The following ORC4 variants were observed in gnomAD, a reference collection of about 807,000 sequenced individuals.
ORC4 encodes the protein origin recognition complex subunit 4, also known as origin recognition complex, subunit 4 homolog.
In ORC4, 55 loss-of-function variants were observed where a neutral mutation model predicts 63.9. That is an observed-to-expected ratio of 0.86 (90% CI 0.69 to 1.08). The LOEUF (loss-of-function observed/expected upper bound fraction) is 1.08, where lower values mean the gene tolerates loss of function less well. Among genes scored for constraint, ORC4 ranks in the 50% least tolerant of loss-of-function variants. The pLI is 0.00. For missense variants in ORC4, 511 were observed against 504.4 expected (o/e 1.01, Z -0.13); for synonymous variants, 150 against 168.5 (o/e 0.89, Z 0.85).
rs1688995840 is a variant in ORC4, at chr2:147,952,254, A to G, written c.588+119T>C. The G allele has an allele frequency of 4.3e-6, 3 of 696,008 alleles. No homozygotes were observed. In the African/African-American group the frequency reaches 5.4e-5, roughly 13 times the overall value. 43.1% of individuals were successfully genotyped at this position (696,008 alleles called of 1,614,324 possible). A position where few individuals can be genotyped will look rare whatever the true frequency, so the allele number is the denominator to read the frequency against. ...TGAAAGCAGGATAAATACACCAGGC[A>G]CTGCTGAAACAAAATTTTTAAAATG... On this transcript the variant is annotated intron_variant, in intron 8 of 13. Transcript: ENST00000392857.
At chr2:147,955,290 G>A (rs1463428895) in intron 7 of ORC4, 57 bp downstream of exon 7, 3 of 1,197,194 alleles carry the variant, frequency 2.5e-6, no homozygotes, top group African/African-American at 3.1e-5. Flanking sequence ...TTTATAATCA[G>A]GGAAAAAATA....
chr2:147,943,302 G>T, intron 10 of ORC4, 134 bp downstream of exon 10: 1 of 686,400 alleles, frequency 1.5e-6, no homozygotes, highest in Non-Finnish European at 2.7e-6. Flanking sequence ...TGTAATGTCA[G>T]CACTTAGGGA....
chr2:147,964,905 G>A (rs117829126), intron 4 of ORC4, among the ~76,000 whole-genome samples: 520 of 152,180 alleles, frequency 3.4e-3, no homozygotes, highest in East Asian at 8.3e-3. Flanking sequence ...AGAGGGGAAT[G>A]GGATGATACA....
chr2:147,935,759 C>G lies in ORC4; in HGVS notation c.1123-61G>C. 8 of 1,411,328 alleles carry G rather than the reference C, an allele frequency of 5.7e-6. No homozygotes were observed. The South Asian group carries it at 9.3e-5, about 16-fold the overall frequency. The allele number at this position is 1,411,328 out of a possible 1,614,324, so 87.4% of individuals were successfully genotyped here. ...AGAGGAGAGTGACAACTCTCCTGTT[C>G]TCTCCCAGAGAACAGTTAGCATTTT... On this transcript the variant is annotated intron_variant, in intron 13 of 13. Transcript: ENST00000392857.
chr2:147,965,515 A>T (rs1159730207), intron 4 of ORC4, among the ~76,000 whole-genome samples: 1 of 152,234 alleles, frequency 6.6e-6, no homozygotes, highest in Non-Finnish European at 1.5e-5. Flanking sequence ...TCAATTCAAC[A>T]ACAGAATATA....
At chr2:148,012,622 C>T (rs1358635035) in intron 1 of ORC4, among the ~76,000 whole-genome samples, 54 of 151,934 alleles carry the variant, frequency 3.6e-4, no homozygotes, top group Non-Finnish European at 1.3e-4. Context: ...AGCCAAAAAG[C>T]TTCTGCACAG....
chr2:148,017,802 C>T (rs1318578190), intron 1 of ORC4, among the ~76,000 whole-genome samples: 1 of 152,178 alleles, frequency 6.6e-6, no homozygotes, highest in Admixed American at 6.5e-5. Context: ...AGTTTTTAAA[C>T]TTAATTGAAC....
At chr2:147,981,041 A>T (rs541862012) in intron 1 of ORC4, among the ~76,000 whole-genome samples, 61 of 152,346 alleles carry the variant, frequency 4.0e-4, no homozygotes, top group South Asian at 4.1e-4. Flanking sequence ...TCAGCCTTAA[A>T]CAAAAAAGAA....
At chr2:147,982,307 TTGAC>T (rs1224693334) in intron 1 of ORC4, among the ~76,000 whole-genome samples, 1 of 152,230 alleles carries the variant, frequency 6.6e-6, no homozygotes, top group Non-Finnish European at 1.5e-5. Flanking sequence ...TATGATGCTC[TTGAC>T]TATCAGCCAA....
chr2:147,964,248 TA>T (rs1689772630), intron 4 of ORC4, among the ~76,000 whole-genome samples: 1 of 151,810 alleles, frequency 6.6e-6, no homozygotes, highest in East Asian at 1.9e-4. Flanking sequence ...AATAAGAAAT[TA>T]ACAGAGATAC....
At chr2:148,004,180 C>T (rs146620494) in intron 1 of ORC4, among the ~76,000 whole-genome samples, 6 of 152,112 alleles carry the variant, frequency 3.9e-5, no homozygotes, top group Admixed American at 3.9e-4. Flanking sequence ...AATGGCCACA[C>T]CGCCCAAAGT....
At chr2:147,995,569 C>T (rs1430275587) in intron 1 of ORC4, among the ~76,000 whole-genome samples, 4 of 152,176 alleles carry the variant, frequency 2.6e-5, no homozygotes, top group Non-Finnish European at 4.4e-5. Context: ...CCTTTATGAG[C>T]TGTAACACTC....
intron 1 of ORC4, among the ~76,000 whole-genome samples, chr2:147,999,622 T>G (rs902504320): frequency 6.6e-6 from 1 of 152,060 alleles, no homozygotes; most frequent in Admixed American, 6.6e-5. Context: ...ATCACTGACC[T>G]AAAGGCAGAA....
At chr2:147,969,698 T>C (rs1047881616) in intron 4 of ORC4, among the ~76,000 whole-genome samples, 8 of 151,946 alleles carry the variant, frequency 5.3e-5, no homozygotes, top group African/African-American at 1.9e-4. Context: ...TATTCTAATA[T>C]TGGATATTCA....
chr2:147,993,295 T>C (rs1691736259), intron 1 of ORC4, among the ~76,000 whole-genome samples: 1 of 152,194 alleles, frequency 6.6e-6, no homozygotes, highest in East Asian at 1.9e-4. Flanking sequence ...AAGTTTTTTC[T>C]TGGCCCCTAC....
At chr2:147,962,541 T>C (rs1435683735) in intron 4 of ORC4, among the ~76,000 whole-genome samples, 1 of 152,080 alleles carries the variant, frequency 6.6e-6, no homozygotes. Flanking sequence ...GCACAGAGAC[T>C]GAGCCTATAA....
intron 10 of ORC4, among the ~76,000 whole-genome samples, chr2:147,940,139 C>G (rs1247747390): frequency 6.6e-6 from 1 of 152,042 alleles, no homozygotes. Flanking sequence ...CTTTCTCTCT[C>G]CTTTCCTTTT....
chr2:147,996,007 A>C (rs1339245416), intron 1 of ORC4, among the ~76,000 whole-genome samples: 3 of 151,912 alleles, frequency 2.0e-5, no homozygotes, highest in Admixed American at 6.6e-5. Flanking sequence ...CTCAAAAAAA[A>C]AAAAAACAAA....
At chr2:148,011,707 T>C (rs1439142410) in intron 1 of ORC4, among the ~76,000 whole-genome samples, 2 of 152,164 alleles carry the variant, frequency 1.3e-5, no homozygotes, top group Admixed American at 6.5e-5. Context: ...TGTGATCTTA[T>C]ACTAACCTAA....
Sources: gnomAD v4.1 joint callset for allele counts (sites outside exome capture counted in the v4.1 genomes callset) on GRCh38, gnomAD v4.1.1 for gene constraint, MANE v1.5 for transcripts, NCBI Gene and HGNC (gene_info 2026-07-23, HGNC 2026-07-21) for gene names.